Variants in BPHL observed in about 807,000 individuals in gnomAD.
The protein encoded by BPHL is serine hydrolase BPHL.
Under a neutral mutation model 31.2 loss-of-function variants are expected in BPHL, and 27 were observed. The ratio of observed to expected loss-of-function variants is 0.87; its 90% confidence interval spans 0.64 to 1.19. BPHL has a LOEUF of 1.19. Among genes scored for constraint, BPHL ranks in the 50% most tolerant of loss-of-function variants. The pLI is 0.00. For missense variants in BPHL, 356 were observed against 375.7 expected, an observed-to-expected ratio of 0.95 and a Z score of 0.43; for synonymous variants, 150 against 146.8, an observed-to-expected ratio of 1.02 and a Z score of -0.16.
In BPHL at chr6:3,118,760, G is replaced by A; in HGVS notation, c.20G>A (p.Gly7Asp). The A allele has an allele frequency of 1.6e-6, 2 of 1,258,520 alleles. No individual in the cohort carries two copies. The highest frequency in any genetic ancestry group is 2.0e-6 in the Non-Finnish European group (2 of 997,862). The allele number at this position is 1,258,520 out of a possible 1,614,324, so 78.0% of individuals were successfully genotyped here. Residue 7 changes from glycine to aspartate, a missense_variant, in exon 1 of 7, where the codon GGC becomes GAC. By Grantham distance (94) the Gly-to-Asp change is moderately conservative. Coordinates refer to ENST00000380379, the MANE Select transcript of BPHL (RefSeq NM_004332.4). MVAVLGGRGVLRLRLLL... is the reference protein window; with the variant it reads MVAVLGDRGVLRLRLLL... ...GTGACCATGGTGGCTGTGCTGGGCG[G>A]CCGGGGCGTGTTGCGCCTGCGGCTG...
intron 1 of BPHL, among the ~76,000 whole-genome samples, chr6:3,120,003 G>T (rs527939487): frequency 4.3e-4 from 66 of 152,164 alleles, no homozygotes; most frequent in Middle Eastern, 3.4e-3. Context: ...CTGCAGAAAG[G>T]CATCGAAATA....
intron 6 of BPHL, among the ~76,000 whole-genome samples, chr6:3,146,813 T>C (rs1469785407): frequency 1.4e-5 from 2 of 146,646 alleles, no homozygotes; most frequent in Admixed American, 6.8e-5. Context: ...TGGTTCGGGT[T>C]GGAGTGCTGG....
chr6:3,123,360 C>T (rs987338082), intron 1 of BPHL, among the ~76,000 whole-genome samples: 12 of 152,240 alleles, frequency 7.9e-5, no homozygotes, highest in African/African-American at 2.6e-4. Context: ...TTTTAATTGA[C>T]ATAAGTGTAC....
chr6:3,128,957 C>A (rs998817196), intron 3 of BPHL, 88 bp from the exon 4 acceptor site: 4 of 1,573,918 alleles, frequency 2.5e-6, no homozygotes, highest in Non-Finnish European at 3.5e-6. Context: ...AGCCTCACAC[C>A]TGTATTGATT....
chr6:3,125,299 C>G (rs1286712329), intron 2 of BPHL, among the ~76,000 whole-genome samples: 2 of 152,144 alleles, frequency 1.3e-5, no homozygotes, highest in African/African-American at 4.8e-5. Flanking sequence ...CTCGCCCCGG[C>G]CTCCCAAAAT....
intron 4 of BPHL, among the ~76,000 whole-genome samples, chr6:3,135,206 C>T (rs959944070): frequency 3.3e-5 from 5 of 152,224 alleles, no homozygotes; most frequent in African/African-American, 1.2e-4. Context: ...TATTTAAGGG[C>T]AGCCTGTTAA....
rs1159421509 is a variant in BPHL at position 3,153,165 on chromosome 6, ATAAT to A, written c.*592_*595del. On this transcript the variant is annotated 3_prime_UTR_variant, in exon 7 of 7. Transcript: ENST00000380379. ...TTGTCTTAACAGGTGAATTCCTGCC[ATAAT>A]TTATTTTCAAATAAATTTTAGGTGG... is the stretch of plus-strand genomic sequence containing the variant. 1 of 152,576 alleles carries A rather than the reference ATAAT, an allele frequency of 6.6e-6. No individual in the cohort carries two copies. The highest frequency in any genetic ancestry group is 1.9e-4 in the East Asian group (1 of 5,208). The allele number at this position is 152,576 out of a possible 1,614,324, so 9.5% of individuals were successfully genotyped here. A position where few individuals can be genotyped will look rare whatever the true frequency, so the allele number is the denominator to read the frequency against.
chr6:3,120,160 G>C lies in BPHL; in HGVS notation c.107+1313G>C, dbSNP rs150336728. On this transcript the variant is annotated intron_variant, in intron 1 of 6. Transcript: ENST00000380379. ...GCGATTCTCGTGGCCTCAGCCTCCC[G>C]AGTAGCTGGGATTACAGGTACCTGC... Among the ~76,000 whole-genome samples, 116 of 151,912 alleles carry C rather than the reference G, an allele frequency of 7.6e-4. No individual in the cohort carries two copies. In the East Asian group the frequency reaches 0.018, roughly 23 times the overall value.
intron 1 of BPHL, chr6:3,119,237 C>A: frequency 6.7e-7 from 1 of 1,493,680 alleles, no homozygotes; most frequent in Non-Finnish European, 9.0e-7. Flanking sequence ...TGTCCAGAGT[C>A]CACACTAAGG....
intron 5 of BPHL, chr6:3,139,173 A>AAATG (rs1470125329): frequency 6.6e-6 from 1 of 152,244 alleles, no homozygotes; most frequent in African/African-American, 2.4e-5. Context: ...TGTGGGGATT[A>AAATG]AATGAGGTAT....
At position 3,152,480 on chromosome 6, in the gene BPHL, T is replaced by G; in HGVS notation, c.789-8T>G. The G allele has an allele frequency of 6.2e-7, 1 of 1,611,456 alleles. No homozygotes were observed. The highest frequency in any genetic ancestry group is 8.5e-7 in the Non-Finnish European group (1 of 1,178,444). Reference sequence around the variant, plus strand: ...ATTGACCCAAAGTATTTTTAATTCCTTTTTTAGGCTGCATTTGATGCCAGA... The same window carrying G: ...ATTGACCCAAAGTATTTTTAATTCCGTTTTTAGGCTGCATTTGATGCCAGA... On this transcript the variant is annotated splice_region_variant and splice_polypyrimidine_tract_variant and intron_variant, in intron 6 of 6. Transcript: ENST00000380379.
chr6:3,137,055 G>A (rs1762031668), intron 4 of BPHL, among the ~76,000 whole-genome samples: 1 of 152,052 alleles, frequency 6.6e-6, no homozygotes, highest in Non-Finnish European at 1.5e-5. Flanking sequence ...CATCCACTTG[G>A]TAAGCATTGA....
intron 1 of BPHL, among the ~76,000 whole-genome samples, chr6:3,120,336 A>G (rs186502603): frequency 5.9e-5 from 9 of 152,236 alleles, no homozygotes; most frequent in Admixed American, 4.6e-4. Context: ...CTCTCGGCCT[A>G]CCAGTATAGT....
intron 4 of BPHL, 40 bp from the exon 5 acceptor site, chr6:3,137,318 AGTAT>A (rs1196296160): frequency 6.2e-7 from 1 of 1,604,708 alleles, no homozygotes; most frequent in Admixed American, 1.7e-5. Context: ...ACAATACTTT[AGTAT>A]GAAATTAAAC....
Position 3,140,219 on chromosome 6 carries a change from GAAT to G in BPHL, c.665-166_665-164del. 1 of 794,140 alleles carries G rather than the reference GAAT, an allele frequency of 1.3e-6. No individual in the cohort carries two copies. Among genetic ancestry groups the G allele is most frequent in the Non-Finnish European group, 1.9e-6 (1 of 524,238 alleles). The allele number at this position is 794,140 out of a possible 1,614,324, so 49.2% of individuals were successfully genotyped here. A position where few individuals can be genotyped will look rare whatever the true frequency, so the allele number is the denominator to read the frequency against. On this transcript the variant is annotated intron_variant, in intron 5 of 6. Transcript: ENST00000380379. This position sits in a 1 kb window ranked among gnomAD's most constrained non-coding sequence, Gnocchi z 5.2. ...AGAGAAACAGAAAAGGGAACCCAAAGAATGTTAGAGCTGGAAGGAATCCCAGGC... is the reference window on the plus strand; with the variant it reads ...AGAGAAACAGAAAAGGGAACCCAAAGGTTAGAGCTGGAAGGAATCCCAGGC...
intron 1 of BPHL, among the ~76,000 whole-genome samples, chr6:3,120,051 T>C (rs1761517719): frequency 6.6e-6 from 1 of 152,194 alleles, no homozygotes; most frequent in Non-Finnish European, 1.5e-5. Flanking sequence ...CTTTTTTTTT[T>C]TGAGACTGAC....
intron 6 of BPHL, among the ~76,000 whole-genome samples, chr6:3,142,617 C>G (rs1762212237): frequency 6.6e-6 from 1 of 152,110 alleles, no homozygotes; most frequent in South Asian, 2.1e-4. Context: ...GTTAAGCAAT[C>G]TTTCAAGGTT....
chr6:3,147,824 G>A (rs1762423440), intron 6 of BPHL, among the ~76,000 whole-genome samples: 1 of 152,148 alleles, frequency 6.6e-6, no homozygotes, highest in African/African-American at 2.4e-5. Context: ...GAGATGGTGT[G>A]GTTCTAGTGT....
At chr6:3,152,366 G>A (rs1372898703) in intron 6 of BPHL, 122 bp from the exon 7 acceptor site, 3 of 769,072 alleles carry the variant, frequency 3.9e-6, no homozygotes, top group Non-Finnish European at 6.4e-6. Flanking sequence ...CTCCTCGATA[G>A]TGGTCATGGG....
Sources: allele counts gnomAD v4.1 joint callset (sites outside exome capture counted in the v4.1 genomes callset), GRCh38; gene constraint gnomAD v4.1.1; non-coding constraint Gnocchi (gnomAD v3.1); transcripts MANE v1.5; gene names NCBI Gene and HGNC (gene_info 2026-07-23, HGNC 2026-07-21).